PTPRD: variants seen among roughly 807,000 people sequenced by gnomAD.
The protein encoded by PTPRD is receptor-type tyrosine-protein phosphatase delta.
Under a neutral mutation model 214.5 loss-of-function variants are expected in PTPRD, and 34 were observed. That is an observed-to-expected ratio of 0.16 (90% CI 0.12 to 0.21). The LOEUF is 0.21. PTPRD is among the 10% of genes least tolerant of loss of function. PTPRD has a pLI of 1.00. For synonymous variants in PTPRD, 1,128 were observed against 845.7 expected (o/e 1.33, Z -5.79); for missense variants, 2,545 against 2,398.7 (o/e 1.06, Z -1.27).
At chr9:8,912,241 C>G (rs773610488) in intron 11 of PTPRD, among the ~76,000 whole-genome samples, 1 of 152,014 alleles carries the variant, frequency 6.6e-6, no homozygotes, top group African/African-American at 2.4e-5. Flanking sequence ...ATAGACCCAA[C>G]GGGAACCAAA....
intron 2 of PTPRD, among the ~76,000 whole-genome samples, chr9:10,555,587 C>A (rs2062375146): frequency 6.6e-6 from 1 of 152,262 alleles, no homozygotes; most frequent in African/African-American, 2.4e-5. Flanking sequence ...CAGTCTCCTA[C>A]AAAAGGCAAG....
At chr9:10,315,447 T>C (rs912939122) in intron 3 of PTPRD, among the ~76,000 whole-genome samples, 1 of 151,930 alleles carries the variant, frequency 6.6e-6, no homozygotes, top group African/African-American at 2.4e-5. Context: ...TATGAAACTA[T>C]AGGTTTCATA....
At chr9:9,593,569 A>G (rs2092982681) in intron 7 of PTPRD, among the ~76,000 whole-genome samples, 1 of 151,998 alleles carries the variant, frequency 6.6e-6, no homozygotes, top group East Asian at 1.9e-4. Flanking sequence ...CCAGATTACT[A>G]AAAAGTTGGA....
At chr9:9,573,231 C>A (rs143478334) in intron 8 of PTPRD, among the ~76,000 whole-genome samples, 15 of 151,616 alleles carry the variant, frequency 9.9e-5, no homozygotes, top group African/African-American at 3.6e-4. Context: ...AGAAACAAAG[C>A]AATACCTACT....
In PTPRD at chr9:8,355,876, T is replaced by G. The variant is rs1284722168; in HGVS notation, c.4662-13898A>C. Reference sequence around the variant, plus strand: ...ATATGGCTGGTCGCTGGGCCACACTTTGGGTAATGAGGATACAGGCACATT... The same window carrying G: ...ATATGGCTGGTCGCTGGGCCACACTGTGGGTAATGAGGATACAGGCACATT... On this transcript the variant is annotated intron_variant, in intron 39 of 45. Transcript: ENST00000381196. Among the ~76,000 whole-genome samples, 8 of 152,246 alleles carry G rather than the reference T, an allele frequency of 5.3e-5. 1 individual carries two copies. In the South Asian group the frequency reaches 1.7e-3, roughly 32 times the overall value.
intron 3 of PTPRD, among the ~76,000 whole-genome samples, chr9:10,172,467 C>T (rs1820617314): frequency 6.6e-6 from 1 of 152,126 alleles, no homozygotes; most frequent in African/African-American, 2.4e-5. Flanking sequence ...TACTGAATTA[C>T]TTGAAAGTGA....
intron 3 of PTPRD, among the ~76,000 whole-genome samples, chr9:10,254,415 G>A (rs531980339): frequency 1.3e-5 from 2 of 151,942 alleles, no homozygotes; most frequent in South Asian, 2.1e-4. Context: ...TATTCACAGT[G>A]CATGTCCTAG....
At chr9:9,927,440 C>A (rs1457131653) in intron 5 of PTPRD, among the ~76,000 whole-genome samples, 1 of 152,096 alleles carries the variant, frequency 6.6e-6, no homozygotes, top group African/African-American at 2.4e-5. Flanking sequence ...CCATTCCCAG[C>A]CCACACATCT....
intron 11 of PTPRD, among the ~76,000 whole-genome samples, chr9:8,756,404 T>A (rs1036343175): frequency 6.6e-6 from 1 of 152,222 alleles, no homozygotes; most frequent in African/African-American, 2.4e-5. Context: ...AAAGTACATA[T>A]ATGTAACATG....
At chr9:8,558,257 T>A (rs1190143153) in intron 14 of PTPRD, among the ~76,000 whole-genome samples, 1 of 152,222 alleles carries the variant, frequency 6.6e-6, no homozygotes, top group East Asian at 1.9e-4. Flanking sequence ...AAAGATGTTT[T>A]ATTTTCTTCC....
chr9:9,685,032 T>C (rs186540059), intron 7 of PTPRD, among the ~76,000 whole-genome samples: 2 of 151,632 alleles, frequency 1.3e-5, no homozygotes, highest in Admixed American at 1.3e-4. Flanking sequence ...TTAAGAATTA[T>C]TATCTATTTT....
At chr9:9,770,669 G>C (rs1217975922) in intron 5 of PTPRD, among the ~76,000 whole-genome samples, 2 of 151,972 alleles carry the variant, frequency 1.3e-5, no homozygotes, top group Admixed American at 1.3e-4. Flanking sequence ...TATTGATTTA[G>C]TGATGCTGAC....
At chr9:9,486,212 C>T (rs2095630103) in intron 8 of PTPRD, among the ~76,000 whole-genome samples, 1 of 126,826 alleles carries the variant, frequency 7.9e-6, no homozygotes, top group Admixed American at 8.9e-5. Flanking sequence ...ACTATGTGAG[C>T]TCCCTCCTAT....
At chr9:8,581,913 CAAAAAAAAAAAAAAAAAAAAA>C (rs36007156) in intron 14 of PTPRD, among the ~76,000 whole-genome samples, 2 of 34,970 alleles carry the variant, frequency 5.7e-5, no homozygotes, top group Non-Finnish European at 5.7e-5. Flanking sequence ...ACTCAATCTC[CAAAAAAAAAAAAAAAAAAAAA>C]AAAAAAAAGA....
intron 9 of PTPRD, among the ~76,000 whole-genome samples, chr9:9,360,094 C>A (rs1255876585): frequency 1.3e-5 from 2 of 151,064 alleles, no homozygotes; most frequent in Non-Finnish European, 3.0e-5. Context: ...ATGATGTTTT[C>A]AAATTTAATA....
intron 8 of PTPRD, among the ~76,000 whole-genome samples, chr9:9,555,750 G>A (rs71497145): frequency 0.017 from 2,618 of 152,128 alleles, 43 homozygotes; most frequent in South Asian, 0.038. Context: ...AAAAACATTA[G>A]CTATAAGTAC....
intron 5 of PTPRD, among the ~76,000 whole-genome samples, chr9:9,803,481 T>C (rs376120121): frequency 6.6e-6 from 1 of 151,994 alleles, no homozygotes; most frequent in East Asian, 1.9e-4. Flanking sequence ...TTTTCTGCAT[T>C]TTCTCATTTT....
chr9:10,455,753 C>G (rs1183247825), intron 2 of PTPRD, among the ~76,000 whole-genome samples: 2 of 151,586 alleles, frequency 1.3e-5, no homozygotes, highest in Non-Finnish European at 3.0e-5. Flanking sequence ...TTAAGTTGTT[C>G]AAAATTTCAG....
intron 10 of PTPRD, among the ~76,000 whole-genome samples, chr9:9,167,783 T>C (rs1233837144): frequency 1.3e-5 from 2 of 151,994 alleles, no homozygotes; most frequent in Non-Finnish European, 2.9e-5. Flanking sequence ...AGGAGAAAAG[T>C]TCATTGTTTT....
Sources: allele counts gnomAD v4.1 joint callset (sites outside exome capture counted in the v4.1 genomes callset), GRCh38; gene constraint gnomAD v4.1.1; transcripts MANE v1.5; gene names NCBI Gene and HGNC (gene_info 2026-07-23, HGNC 2026-07-21).